The following ERFE variants were observed in gnomAD, a reference collection of about 807,000 sequenced individuals.
The protein encoded by ERFE is erythroferrone, also known as complement C1q tumor necrosis factor-related protein 15.
In ERFE, 25 loss-of-function variants were observed where a neutral mutation model predicts 26.6. That is an observed-to-expected ratio of 0.94 (90% CI 0.69 to 1.31). ERFE has a LOEUF of 1.31. Among genes scored for constraint, ERFE ranks in the 40% most tolerant of loss-of-function variants. ERFE has a pLI of 0.00. For missense variants in ERFE, 447 were observed against 440.2 expected (o/e 1.02, Z -0.14); for synonymous variants, 206 against 204.5 (o/e 1.01, Z -0.06).
chr2:238,161,195 C>G (rs919947733), intron 1 of ERFE, among the ~76,000 whole-genome samples: 5 of 152,192 alleles, frequency 3.3e-5, no homozygotes, highest in Admixed American at 1.3e-4. Flanking sequence ...TTCCTGAGCA[C>G]CTATGGGTGC....
chr2:238,163,741 G>A lies in ERFE; in HGVS notation c.429G>A (p.Ala143=). 1.5e-6 allele frequency: 2 copies of A among 1,338,688 alleles called. No homozygotes were observed. Among genetic ancestry groups the A allele is most frequent in the Non-Finnish European group, 1.9e-6 (2 of 1,050,724 alleles). 82.9% of individuals were successfully genotyped at this position (1,338,688 alleles called of 1,614,324 possible). A position where few individuals can be genotyped will look rare whatever the true frequency, so the allele number is the denominator to read the frequency against. The part of the protein sequence containing the change: ...LKEFQLLLKG[A]VRQRERAEPE... ...CCACCGCTCGCTCTGTGCCAGGTGC[G>A]GTGCGGCAGCGGGAGCGCGCGGAGC... Residue 143 remains alanine, a synonymous_variant, in exon 4 of 8, where the codon GCG becomes GCA. Transcript: ENST00000546354.
At chr2:238,162,910 T>C in intron 3 of ERFE, 72 bp downstream of exon 3, 1 of 1,253,638 alleles carries the variant, frequency 8.0e-7, no homozygotes, top group African/African-American at 1.5e-5. Flanking sequence ...CCCGAGGAGC[T>C]GACAGGGCCA....
intron 7 of ERFE, 27 bp from the exon 8 acceptor site, chr2:238,166,929 A>G: frequency 1.9e-6 from 3 of 1,541,756 alleles, no homozygotes; most frequent in Non-Finnish European, 2.6e-6. Flanking sequence ...GGGGTGGCCC[A>G]GTGCCTCAAA....
rs117199696 is a variant in ERFE, at chr2:238,161,636, G to T, written c.241G>T (p.Ala81Ser). The change falls in exon 2 of 8, where the codon GCC (alanine) becomes TCC (serine). Residue 81 changes from alanine to serine, a missense_variant. Ala to Ser is a moderately conservative substitution (Grantham distance 99). Transcript: ENST00000546354. ...TGCACACAGCGTCGACCCCCGGGAC[G>T]CCTGGATGCTCTTCGTCAGGCAGAG... ...ERAHSVDPRD[A>S]WMLFVRQSDK... The T allele has an allele frequency of 4.6e-4, 706 of 1,546,650 alleles. 10 individuals carry two copies. The East Asian group carries it at 0.017, about 37-fold the overall frequency.
intron 7 of ERFE, 63 bp from the exon 8 acceptor site, chr2:238,166,893 C>A: frequency 7.2e-7 from 1 of 1,382,074 alleles, no homozygotes; most frequent in Non-Finnish European, 1.0e-6. Flanking sequence ...GGCTGGCTGG[C>A]CCTTGGGTCA....
chr2:238,164,525 C>T, intron 6 of ERFE, 165 bp downstream of exon 6: 1 of 638,726 alleles, frequency 1.6e-6, no homozygotes, highest in Non-Finnish European at 2.6e-6. Context: ...CTGCCCCTAT[C>T]AGGCCTTCCC....
At chr2:238,164,935 GC>G (rs1209086130) in intron 6 of ERFE, among the ~76,000 whole-genome samples, 1 of 152,052 alleles carries the variant, frequency 6.6e-6, no homozygotes. Context: ...GTCCTAGGAG[GC>G]CGGGCTCCTC....
At position 238,168,201 on chromosome 2, in the gene ERFE, GAC is replaced by G. The variant is rs1002250251; in HGVS notation, c.*1153_*1154del. On this transcript the variant is annotated 3_prime_UTR_variant, in exon 8 of 8. Transcript: ENST00000546354. ...GGATGGGGACGGCAGCTCTCATGAG[GAC>G]ACACAGGCTGTGAGCCCGCAGCCTC... 8.7e-6 allele frequency: 3 copies of G among 344,090 alleles called. No individual in the cohort carries two copies. The highest frequency in any genetic ancestry group is 6.5e-5 in the African/African-American group (3 of 46,164). The allele number at this position is 344,090 out of a possible 1,614,324, so 21.3% of individuals were successfully genotyped here.
chr2:238,164,070 C>A lies in ERFE; in HGVS notation c.688-5C>A. On this transcript the variant is annotated splice_polypyrimidine_tract_variant and splice_region_variant and intron_variant, in intron 4 of 7. Transcript: ENST00000546354. ...AGCCGGGGTGACCATCCGTGCCCCT[C>A]GCAGCCCGACGCCGAGGGTGCCTTC... 7.1e-7 allele frequency: 1 copy of A among 1,414,574 alleles called. No individual in the cohort carries two copies. Among genetic ancestry groups the A allele is most frequent in the Middle Eastern group, 2.1e-4 (1 of 4,870 alleles). The allele number at this position is 1,414,574 out of a possible 1,614,324, so 87.6% of individuals were successfully genotyped here. A position where few individuals can be genotyped will look rare whatever the true frequency, so the allele number is the denominator to read the frequency against.
At chr2:238,165,328 C>T (rs930400906) in intron 6 of ERFE, among the ~76,000 whole-genome samples, 6 of 152,266 alleles carry the variant, frequency 3.9e-5, no homozygotes, top group South Asian at 2.1e-4. Context: ...TCCCCACTTC[C>T]GGCTGCATCA....
chr2:238,161,668 G>C lies in ERFE; in HGVS notation c.273G>C (p.Lys91Asn). Residue 91 changes from lysine (K) to asparagine (N), a missense_variant, in exon 2 of 8, where the codon AAG becomes AAC. Coordinates refer to ENST00000546354, the MANE Select transcript of ERFE (RefSeq NM_001291832.2). ...AWMLFVRQSD[K>N]GVNGKKRSRG... ...TGCTCTTCGTCAGGCAGAGTGACAA[G>C]GGTGTCAATGGCAAGAAGAGGAGCA... 6.5e-7 allele frequency: 1 copy of C among 1,548,180 alleles called. No individual in the cohort carries two copies. The highest frequency in any genetic ancestry group is 8.7e-7 in the Non-Finnish European group (1 of 1,145,090).
At position 238,161,662 on chromosome 2, in the gene ERFE, T is replaced by A; in HGVS notation, c.267T>A (p.Ser89Arg). The change falls in exon 2 of 8, where the codon AGT (serine) becomes AGA (arginine). Residue 89 changes from serine (S) to arginine (R), a missense_variant. Transcript: ENST00000546354. ...CCTGGATGCTCTTCGTCAGGCAGAGTGACAAGGGTGTCAATGGCAAGAAGA... is the reference window on the plus strand; with the variant it reads ...CCTGGATGCTCTTCGTCAGGCAGAGAGACAAGGGTGTCAATGGCAAGAAGA... Reference protein sequence around the residue: ...RDAWMLFVRQSDKGVNGKKRS... With the variant: ...RDAWMLFVRQRDKGVNGKKRS... The A allele has an allele frequency of 6.5e-7, 1 of 1,545,358 alleles. No homozygotes were observed. The highest frequency in any genetic ancestry group is 1.2e-5 in the South Asian group (1 of 83,506).
At chr2:238,162,275 G>C (rs1031825818) in intron 2 of ERFE, among the ~76,000 whole-genome samples, 2 of 152,198 alleles carry the variant, frequency 1.3e-5, no homozygotes, top group Non-Finnish European at 2.9e-5. Context: ...CGCTGTCCTC[G>C]TGGCCTGGCC....
chr2:238,168,605 A>ACT lies in ERFE; in HGVS notation c.*1554_*1555dup. 1 of 380,518 alleles carries ACT rather than the reference A, an allele frequency of 2.6e-6. No homozygotes were observed. Among genetic ancestry groups the ACT allele is most frequent in the Non-Finnish European group, 5.4e-6 (1 of 184,456 alleles). 23.6% of individuals were successfully genotyped at this position (380,518 alleles called of 1,614,324 possible). A position where few individuals can be genotyped will look rare whatever the true frequency, so the allele number is the denominator to read the frequency against. On this transcript the variant is annotated 3_prime_UTR_variant, in exon 8 of 8. Coordinates refer to ENST00000546354, the MANE Select transcript of ERFE (RefSeq NM_001291832.2). Reference sequence around the variant, plus strand: ...GTGCAGTAACACACAAAAACCAAACACTCTGCCCTGGGAAAGGCCTGGTGC... The same window carrying ACT: ...GTGCAGTAACACACAAAAACCAAACACTCTCTGCCCTGGGAAAGGCCTGGTGC...
chr2:238,160,686 G>A (rs543825030), intron 1 of ERFE, among the ~76,000 whole-genome samples: 1 of 152,142 alleles, frequency 6.6e-6, no homozygotes, highest in Non-Finnish European at 1.5e-5. Context: ...CATCCCCCCA[G>A]ATCAGCCAGG....
rs1439862040 is a variant in ERFE, at chr2:238,168,532, A to C, written c.*1478A>C. On this transcript the variant is annotated 3_prime_UTR_variant, in exon 8 of 8. Transcript: ENST00000546354. ...CCACCAGGCCCGAATGATCCCCAGG[A>C]GCCCAGCTTCCAAACCCCAACATCG... 1 of 451,924 alleles carries C rather than the reference A, an allele frequency of 2.2e-6. No individual in the cohort carries two copies. The highest frequency in any genetic ancestry group is 4.6e-6 in the Non-Finnish European group (1 of 217,334). 28.0% of individuals were successfully genotyped at this position (451,924 alleles called of 1,614,324 possible).
intron 3 of ERFE, among the ~76,000 whole-genome samples, chr2:238,163,311 C>T (rs1005179116): frequency 3.3e-5 from 5 of 152,226 alleles, no homozygotes; most frequent in Admixed American, 6.5e-5. Context: ...CTGAGGCCTC[C>T]TGCAGAGCGG....
chr2:238,163,802 G>T lies in ERFE; in HGVS notation c.490G>T (p.Ala164Ser). Residue 164 changes from alanine to serine, a missense_variant, in exon 4 of 8, where the codon GCT (alanine) becomes TCT (serine). Ala to Ser is a moderately conservative substitution (Grantham distance 99). Transcript: ENST00000546354. The stretch of plus-strand genomic sequence containing the variant: ...TACGTGTGGCCCCGCCGGGCCGGTC[G>T]CTGCGAGCCTCGCCCCGGTCTCGGC... ...PCTCGPAGPV[A>S]ASLAPVSATA... 7.4e-7 allele frequency: 1 copy of T among 1,345,808 alleles called. No homozygotes were observed. The highest frequency in any genetic ancestry group is 9.5e-7 in the Non-Finnish European group (1 of 1,054,068). 83.4% of individuals were successfully genotyped at this position (1,345,808 alleles called of 1,614,324 possible).
intron 2 of ERFE, 31 bp downstream of exon 2, chr2:238,161,747 G>T: frequency 1.3e-6 from 2 of 1,520,814 alleles, no homozygotes; most frequent in Non-Finnish European, 1.8e-6. Flanking sequence ...GTGCCAGGCC[G>T]TGGGGGGTTC....
Sources: gnomAD v4.1 joint callset for allele counts (sites outside exome capture counted in the v4.1 genomes callset) on GRCh38, gnomAD v4.1.1 for gene constraint, MANE v1.5 for transcripts, NCBI Gene and HGNC (gene_info 2026-07-23, HGNC 2026-07-21) for gene names.